The following BOC variants were observed in gnomAD, a reference collection of about 807,000 sequenced individuals.
BOC encodes brother of CDO.
A neutral mutation model predicts 112.0 loss-of-function variants in BOC; 76 were observed. The ratio of observed to expected loss-of-function variants is 0.68; its 90% confidence interval spans 0.56 to 0.82. The LOEUF (loss-of-function observed/expected upper bound fraction) is 0.82. Ranked by LOEUF, BOC falls within the 40% of genes least tolerant of loss-of-function variation. The pLI, the probability that BOC is intolerant of heterozygous loss-of-function variation, is 0.00. For missense variants in BOC, 1,309 were observed against 1,511.7 expected, an observed-to-expected ratio of 0.87 and a Z score of 2.22; for synonymous variants, 580 against 599.8, an observed-to-expected ratio of 0.97 and a Z score of 0.48.
intron 2 of BOC, among the ~76,000 whole-genome samples, chr3:113,224,071 C>T (rs767487410): frequency 1.9e-4 from 29 of 152,194 alleles, no homozygotes; most frequent in Non-Finnish European, 8.8e-5. Flanking sequence ...CCTTCCTCCT[C>T]GATAGTTTGT....
At chr3:113,216,334 A>G in intron 2 of BOC, 60 bp downstream of exon 2, 1 of 451,176 alleles carries the variant, frequency 2.2e-6, no homozygotes, top group Admixed American at 2.4e-5. Flanking sequence ...CCATTTGTTC[A>G]TGTTTTGTGT....
At chr3:113,239,980 T>C (rs150197590) in intron 2 of BOC, among the ~76,000 whole-genome samples, 1 of 152,296 alleles carries the variant, frequency 6.6e-6, no homozygotes, top group African/African-American at 2.4e-5. Context: ...GACTCTGGCT[T>C]TTCTAAGATT....
chr3:113,272,523 C>A lies in BOC; in HGVS notation c.781C>A (p.Arg261=). The A allele has an allele frequency of 6.2e-7, 1 of 1,614,100 alleles. No homozygotes were observed. Among genetic ancestry groups the A allele is most frequent in the Non-Finnish European group, 8.5e-7 (1 of 1,180,006 alleles). The change falls in exon 7 of 20, where the codon CGG becomes AGG. Residue 261 remains arginine (R), a synonymous_variant. Transcript: ENST00000682979. The stretch of plus-strand genomic sequence containing the variant: ...TGTGGCCAGTGGAATCCCACCCCCA[C>A]GGGTCACCTGGGCCAAGGATGGGTC... ...ECVASGIPPP[R]VTWAKDGSSV... is the part of the protein sequence containing the mutation.
chr3:113,250,885 C>G, intron 4 of BOC, 52 bp downstream of exon 4: 1 of 1,598,486 alleles, frequency 6.3e-7, no homozygotes, highest in Non-Finnish European at 8.5e-7. Flanking sequence ...CCTCATCTCT[C>G]CCACCCTGAA....
In BOC at chr3:113,216,491, G is replaced by C. The variant is rs76743631; in HGVS notation, c.-82+217G>C. 1.8e-3 allele frequency: 540 copies of C among 294,920 alleles called. 9 individuals are homozygous for C. In the East Asian group the frequency reaches 0.035, roughly 19 times the overall value. The allele number at this position is 294,920 out of a possible 1,614,324, so 18.3% of individuals were successfully genotyped here. A position where few individuals can be genotyped will look rare whatever the true frequency, so the allele number is the denominator to read the frequency against. On this transcript the variant is annotated intron_variant, in intron 2 of 19. Transcript: ENST00000682979. ...ATGGCTATGTGAACCCCCTTGCTCT[G>C]TGGCAAGCTCTGTCAGACATGTTAG...
chr3:113,271,623 G>A (rs562931491), intron 6 of BOC: 1 of 177,706 alleles, frequency 5.6e-6, no homozygotes, highest in South Asian at 1.3e-4. Flanking sequence ...AACTTTGTAT[G>A]TATCATTTTC....
intron 1 of BOC, 123 bp from the exon 2 acceptor site, chr3:113,216,064 T>C (rs577897005): frequency 1.5e-4 from 44 of 286,626 alleles, no homozygotes; most frequent in South Asian, 1.1e-3. Context: ...TCTACTGTTT[T>C]CTTATTTATA....
chr3:113,256,555 A>C (rs1946245570), intron 4 of BOC, among the ~76,000 whole-genome samples: 1 of 152,062 alleles, frequency 6.6e-6, no homozygotes. Flanking sequence ...TTACAAACAG[A>C]AGCTATGTCT....
chr3:113,249,973 A>T (rs1269330515), intron 3 of BOC, 74 bp downstream of exon 3: 4 of 1,316,710 alleles, frequency 3.0e-6, no homozygotes, highest in Non-Finnish European at 4.3e-6. Context: ...TAACTCTTTA[A>T]AAAGGCCTTC....
At chr3:113,234,517 C>T (rs1465819766) in intron 2 of BOC, among the ~76,000 whole-genome samples, 2 of 152,200 alleles carry the variant, frequency 1.3e-5, no homozygotes, top group African/African-American at 4.8e-5. Flanking sequence ...GGCCATGCTA[C>T]ATTTCAATTT....
At chr3:113,273,586 C>T (rs997310597) in intron 8 of BOC, among the ~76,000 whole-genome samples, 1 of 152,144 alleles carries the variant, frequency 6.6e-6, no homozygotes, top group Non-Finnish European at 1.5e-5. Context: ...CACTCTAGTG[C>T]TTTGGTAAAG....
intron 6 of BOC, 79 bp downstream of exon 6, chr3:113,271,023 C>T: frequency 1.3e-6 from 2 of 1,587,502 alleles, no homozygotes; most frequent in South Asian, 2.2e-5. Flanking sequence ...GAGGTAGATA[C>T]CTGGAGGTGC....
intron 2 of BOC, among the ~76,000 whole-genome samples, chr3:113,247,017 A>G (rs1443174105): frequency 6.6e-6 from 1 of 152,184 alleles, no homozygotes; most frequent in African/African-American, 2.4e-5. Context: ...TTTCCTCAGT[A>G]AAATATTTGT....
At chr3:113,267,477 C>A (rs186143833) in intron 4 of BOC, among the ~76,000 whole-genome samples, 146 of 152,330 alleles carry the variant, frequency 9.6e-4, no homozygotes, top group African/African-American at 3.4e-3. Flanking sequence ...AGGACCCTGG[C>A]TCCTCCATAG....
chr3:113,285,006 T>C (rs1449794826), intron 18 of BOC, 148 bp downstream of exon 18: 1 of 717,638 alleles, frequency 1.4e-6, no homozygotes, highest in Non-Finnish European at 2.3e-6. Flanking sequence ...TCTGAACCAT[T>C]GCCCTAATAG....
intron 17 of BOC, 98 bp downstream of exon 17, chr3:113,284,665 G>A: frequency 1.3e-6 from 2 of 1,516,470 alleles, no homozygotes; most frequent in Non-Finnish European, 1.8e-6. Context: ...GTCTCAGGCT[G>A]GGCTGCTGGG....
Position 113,273,057 on chromosome 3 carries a change from GT to G in BOC, c.962-9del, listed in dbSNP as rs1948306576. 6.3e-7 allele frequency: 1 copy of G among 1,589,000 alleles called. No individual in the cohort carries two copies. The highest frequency in any genetic ancestry group is 8.6e-7 in the Non-Finnish European group (1 of 1,160,662). On this transcript the variant is annotated splice_polypyrimidine_tract_variant and intron_variant, in intron 7 of 19. Coordinates refer to ENST00000682979, the MANE Select transcript of BOC (RefSeq NM_001378074.1). ...ACACAGCCCTTCTCACCCTGCTCTG[GT>G]TTCCTGGCAGAACCCCCTGAGGTCA...
intron 2 of BOC, among the ~76,000 whole-genome samples, chr3:113,240,846 TC>T (rs981100306): frequency 6.6e-6 from 1 of 152,128 alleles, no homozygotes; most frequent in African/African-American, 2.4e-5. Flanking sequence ...ACCTCAGGGA[TC>T]CCCAAGCCTG....
At chr3:113,260,721 A>ACAGAACAGAACAGAACAGAACAGAAC (rs1553737946) in intron 4 of BOC, among the ~76,000 whole-genome samples, 2,084 of 91,534 alleles carry the variant, frequency 0.023, 47 homozygotes, top group Admixed American at 0.042. Flanking sequence ...ACAGAACAGA[A>ACAGAACAGAACAGAACAGAACAGAAC]AGAACAGAAC....
Sources: gnomAD v4.1 joint callset for allele counts (sites outside exome capture counted in the v4.1 genomes callset) on GRCh38, gnomAD v4.1.1 for gene constraint, MANE v1.5 for transcripts, NCBI Gene and HGNC (gene_info 2026-07-23, HGNC 2026-07-21) for gene names.